DDX42: variants seen among roughly 807,000 people sequenced by gnomAD.
The protein encoded by DDX42 is ATP-dependent RNA helicase DDX42.
A neutral mutation model predicts 101.5 loss-of-function variants in DDX42; 22 were observed. The observed-to-expected ratio is 0.22, with a 90% CI of 0.15 to 0.31. The LOEUF (loss-of-function observed/expected upper bound fraction) is 0.31, where lower values mean the gene tolerates loss of function less well. DDX42 is among the 10% of genes least tolerant of loss of function. The probability of loss-of-function intolerance (pLI) is 1.00; values close to 1 mark genes in which losing one functional copy is unlikely to be tolerated. For synonymous variants in DDX42, 402 were observed against 401.2 expected, an observed-to-expected ratio of 1.00 and a Z score of -0.02; for missense variants, 849 against 1,199.9, an observed-to-expected ratio of 0.71 and a Z score of 4.32.
At chr17:63,814,973 G>A (rs986356827) in intron 15 of DDX42, among the ~76,000 whole-genome samples, 7 of 152,316 alleles carry the variant, frequency 4.6e-5, no homozygotes, top group Admixed American at 2.0e-4. Flanking sequence ...ATAGGCGTGA[G>A]CCACCGCCCT....
chr17:63,779,819 A>C (rs1355475137), intron 1 of DDX42, among the ~76,000 whole-genome samples: 1 of 151,972 alleles, frequency 6.6e-6, no homozygotes, highest in Non-Finnish European at 1.5e-5. Flanking sequence ...CCTGGCCTCA[A>C]GCCATCCTCC....
Position 63,783,714 on chromosome 17 carries a change from G to C in DDX42, c.-16-3320G>C, listed in dbSNP as rs1255857673. On this transcript the variant is annotated intron_variant, in intron 1 of 17. Coordinates refer to ENST00000389924, the MANE Select transcript of DDX42 (RefSeq NM_203499.3). Reference sequence around the variant, plus strand: ...AGGAAGTCCAAAATGAGTAAAGACAGTTTCTATCTGGAGTTAAGGGTCTAA... The same window carrying C: ...AGGAAGTCCAAAATGAGTAAAGACACTTTCTATCTGGAGTTAAGGGTCTAA... 2.6e-5 allele frequency among the ~76,000 whole-genome samples: 4 copies of C among 152,042 alleles called. No individual in the cohort carries two copies. In the East Asian group the frequency reaches 7.7e-4, roughly 29 times the overall value.
chr17:63,798,023 CT>C lies in DDX42; in HGVS notation c.373-11del. On this transcript the variant is annotated splice_polypyrimidine_tract_variant and intron_variant, in intron 3 of 17. Coordinates refer to ENST00000389924, the MANE Select transcript of DDX42 (RefSeq NM_203499.3). The stretch of plus-strand genomic sequence containing the variant: ...TTTAGTTGATGTCATTCTATACAGC[CT>C]TTTGTTTCATTAGGATCAGGCAGCT... 6.2e-7 allele frequency: 1 copy of C among 1,606,316 alleles called. No individual in the cohort carries two copies.
chr17:63,787,188 G>A lies in DDX42; in HGVS notation c.139G>A (p.Gly47Arg). ...SAFGATSSSS[G>R]FGKSAPPQLP... The stretch of plus-strand genomic sequence containing the variant: ...CTTTGGGGCAACCAGCTCTTCTTCT[G>A]GATTTGGAAAGTCAGCTCCACCACA... Residue 47 changes from glycine (G) to arginine (R), a missense_variant, in exon 2 of 18, where the codon GGA becomes AGA. By Grantham distance (125) the Gly-to-Arg change is moderately radical (BLOSUM62 -2). Coordinates refer to ENST00000389924, the MANE Select transcript of DDX42 (RefSeq NM_203499.3). The A allele has an allele frequency of 6.2e-7, 1 of 1,614,090 alleles. No homozygotes were observed. The highest frequency in any genetic ancestry group is 8.5e-7 in the Non-Finnish European group (1 of 1,180,028).
At chr17:63,782,809 C>T (rs1184940081) in intron 1 of DDX42, among the ~76,000 whole-genome samples, 1 of 152,126 alleles carries the variant, frequency 6.6e-6, no homozygotes, top group East Asian at 1.9e-4. Flanking sequence ...TGAAAATTTC[C>T]CTTCTGTGTA....
chr17:63,801,320 G>A (rs1199974482), intron 6 of DDX42, among the ~76,000 whole-genome samples: 1 of 152,166 alleles, frequency 6.6e-6, no homozygotes, highest in Admixed American at 6.5e-5. Flanking sequence ...CTCCCAAAGC[G>A]CTGGGATTAC....
intron 8 of DDX42, 132 bp downstream of exon 8, chr17:63,806,786 C>A: frequency 1.0e-6 from 1 of 980,708 alleles, no homozygotes; most frequent in Non-Finnish European, 1.4e-6. Context: ...GTATTTATCA[C>A]TCTTAAGAAG....
rs150246246 is a variant in DDX42 at position 63,793,979 on chromosome 17, A to G, written c.372+1417A>G. On this transcript the variant is annotated intron_variant, in intron 3 of 17. Transcript: ENST00000389924. ...TGTGGCAGACCTGGAACTCAAATCT[A>G]ATTTCGCTTGCTTAGTAGTCCTGAA... 1.2e-4 allele frequency among the ~76,000 whole-genome samples: 18 copies of G among 151,920 alleles called. 1 individual carries two copies. The East Asian group carries it at 2.5e-3, about 21-fold the overall frequency.
rs1177593920 is a variant in DDX42, at chr17:63,818,582, T to G, written c.*184T>G. The G allele has an allele frequency of 6.3e-5, 38 of 607,654 alleles. No homozygotes were observed. Among genetic ancestry groups the G allele is most frequent in the Non-Finnish European group, 9.2e-5 (33 of 357,156 alleles). 37.6% of individuals were successfully genotyped at this position (607,654 alleles called of 1,614,324 possible). A position where few individuals can be genotyped will look rare whatever the true frequency, so the allele number is the denominator to read the frequency against. On this transcript the variant is annotated 3_prime_UTR_variant, in exon 18 of 18. Transcript: ENST00000389924. ...TTTCGGATGTTTTCTTGGGAAGCTG[T>G]TTTGGTCCTTGGAAGCAGTGAGAGC...
At chr17:63,790,373 C>T (rs1359731412) in intron 2 of DDX42, among the ~76,000 whole-genome samples, 1 of 152,086 alleles carries the variant, frequency 6.6e-6, no homozygotes, top group East Asian at 1.9e-4. Flanking sequence ...GTCTGTAATC[C>T]CAGCACTTTG....
intron 1 of DDX42, among the ~76,000 whole-genome samples, chr17:63,781,257 G>A (rs773364316): frequency 1.3e-5 from 2 of 151,966 alleles, no homozygotes; most frequent in Non-Finnish European, 1.5e-5. Context: ...TCGCACTCTC[G>A]CCCAGGCTGG....
At chr17:63,801,761 G>GT (rs1223051801) in intron 6 of DDX42, among the ~76,000 whole-genome samples, 1 of 151,988 alleles carries the variant, frequency 6.6e-6, no homozygotes, top group Non-Finnish European at 1.5e-5. Context: ...GGTCACATTT[G>GT]TTTTTTTAAT....
chr17:63,818,573 G>A lies in DDX42; in HGVS notation c.*175G>A. On this transcript the variant is annotated 3_prime_UTR_variant, in exon 18 of 18. Transcript: ENST00000389924. Reference sequence around the variant, plus strand: ...AGAAGGAATTTTCGGATGTTTTCTTGGGAAGCTGTTTTGGTCCTTGGAAGC... The same window carrying A: ...AGAAGGAATTTTCGGATGTTTTCTTAGGAAGCTGTTTTGGTCCTTGGAAGC... 2 of 638,982 alleles carry A rather than the reference G, an allele frequency of 3.1e-6. No individual in the cohort carries two copies. The highest frequency in any genetic ancestry group is 5.2e-6 in the Non-Finnish European group (2 of 382,884). The allele number at this position is 638,982 out of a possible 1,614,324, so 39.6% of individuals were successfully genotyped here.
chr17:63,778,457 T>A (rs1306347588), intron 1 of DDX42, among the ~76,000 whole-genome samples: 1 of 152,212 alleles, frequency 6.6e-6, no homozygotes, highest in East Asian at 1.9e-4. Context: ...ATAGCACTTT[T>A]GCTACCTGGA....
intron 9 of DDX42, 46 bp from the exon 10 acceptor site, chr17:63,808,774 T>A (rs952994996): frequency 1.2e-6 from 2 of 1,605,474 alleles, no homozygotes; most frequent in Admixed American, 1.7e-5. Flanking sequence ...GTGACAGGTA[T>A]TTGTTAGTGT....
intron 9 of DDX42, among the ~76,000 whole-genome samples, 180 bp from the exon 10 acceptor site, chr17:63,808,640 T>C (rs2039871802): frequency 6.6e-6 from 1 of 152,208 alleles, no homozygotes; most frequent in African/African-American, 2.4e-5. Context: ...GATAATCTGT[T>C]GAGATGCAAT....
intron 3 of DDX42, among the ~76,000 whole-genome samples, chr17:63,794,402 C>T (rs549094830): frequency 2.6e-5 from 4 of 151,862 alleles, no homozygotes; most frequent in Non-Finnish European, 4.4e-5. Flanking sequence ...TTTAGCCAGG[C>T]GTGGTGGCAT....
rs182389511 is a variant in DDX42, at chr17:63,807,166, A to G, written c.846+512A>G. 5.4e-4 allele frequency among the ~76,000 whole-genome samples: 82 copies of G among 152,250 alleles called. 1 individual carries two copies. The highest frequency in any genetic ancestry group is 3.4e-3 in the Middle Eastern group (1 of 294). The stretch of plus-strand genomic sequence containing the variant: ...TTGTTTTTGTTTTTTTTGGGGACAG[A>G]GTCTCACTCTGTTGTCCAAGCTGGA... On this transcript the variant is annotated intron_variant, in intron 8 of 17. Transcript: ENST00000389924.
intron 1 of DDX42, among the ~76,000 whole-genome samples, chr17:63,778,642 A>C (rs895739952): frequency 2.1e-5 from 2 of 96,008 alleles, no homozygotes; most frequent in Non-Finnish European, 4.2e-5. Context: ...CTTGATAATA[A>C]AGTTTTTTTT....
Sources: gnomAD v4.1 joint callset for allele counts (sites outside exome capture counted in the v4.1 genomes callset) on GRCh38, gnomAD v4.1.1 for gene constraint, MANE v1.5 for transcripts, NCBI Gene and HGNC (gene_info 2026-07-23, HGNC 2026-07-21) for gene names.